The following STIL variants were observed in gnomAD, a reference collection of about 807,000 sequenced individuals.
STIL encodes SCL-interrupting locus protein.
A neutral mutation model predicts 110.1 loss-of-function variants in STIL; 55 were observed. The ratio of observed to expected loss-of-function variants is 0.50; its 90% CI spans 0.40 to 0.63. The LOEUF (loss-of-function observed/expected upper bound fraction) is 0.63, where lower values mean the gene tolerates loss of function less well. Among genes scored for constraint, STIL ranks in the 20% least tolerant of loss-of-function variants. STIL has a pLI of 0.00. For missense variants in STIL, 1,358 were observed against 1,530.0 expected, an observed-to-expected ratio of 0.89 and a Z score of 1.87; for synonymous variants, 481 against 530.0, an observed-to-expected ratio of 0.91 and a Z score of 1.27.
chr1:47,282,004 C>T (rs1570161565), intron 11 of STIL, among the ~76,000 whole-genome samples: 1 of 152,162 alleles, frequency 6.6e-6, no homozygotes, highest in South Asian at 2.1e-4. Context: ...GATTCTAAAA[C>T]CAAACCTCCT....
At chr1:47,298,786 C>T (rs1645714701) in intron 6 of STIL, among the ~76,000 whole-genome samples, 1 of 151,980 alleles carries the variant, frequency 6.6e-6, no homozygotes, top group Admixed American at 6.5e-5. Context: ...CTCTGCCGCC[C>T]ACACTGAAGT....
Position 47,280,949 on chromosome 1 carries a change from G to C in STIL, c.1509C>G (p.Cys503Trp), listed in dbSNP as rs1388583280. 1 of 1,613,960 alleles carries C rather than the reference G, an allele frequency of 6.2e-7. No individual in the cohort carries two copies. Among genetic ancestry groups the C allele is most frequent in the South Asian group, 1.1e-5 (1 of 91,076 alleles). Reference sequence around the variant, plus strand: ...TATAGGCAGGTGGCTGTCTTACTTTGCAGTGTCTCAAAAGAGCTGGTTTAT... The same window carrying C: ...TATAGGCAGGTGGCTGTCTTACTTTCCAGTGTCTCAAAAGAGCTGGTTTAT... Reference protein sequence around the residue: ...NQDKPALLRHCKVRQPPAYKK... With the variant: ...NQDKPALLRHWKVRQPPAYKK... The change falls in exon 12 of 17, where the codon TGC (cysteine) becomes TGG (tryptophan). Residue 503 changes from cysteine (C) to tryptophan (W), a missense_variant. Physicochemically the swap from Cys to Trp is radical, Grantham distance 215. Coordinates refer to ENST00000371877, the MANE Select transcript of STIL (RefSeq NM_001048166.1).
chr1:47,284,889 CAAA>C (rs796580180), intron 10 of STIL, among the ~76,000 whole-genome samples: 1 of 137,146 alleles, frequency 7.3e-6, no homozygotes, highest in Admixed American at 7.4e-5. Context: ...GACCCTATCT[CAAA>C]AAAAAAAAAA....
At chr1:47,267,022 T>A (rs1644673524) in intron 14 of STIL, among the ~76,000 whole-genome samples, 2 of 152,212 alleles carry the variant, frequency 1.3e-5, no homozygotes, top group Non-Finnish European at 2.9e-5. Flanking sequence ...TTCTGTAACT[T>A]TTAAACCCAC....
chr1:47,297,746 C>T (rs1645683893), intron 6 of STIL, among the ~76,000 whole-genome samples: 1 of 151,902 alleles, frequency 6.6e-6, no homozygotes. Context: ...TGTCAATGTA[C>T]CTGGCATGGC....
chr1:47,275,676 G>C (rs12118206), intron 12 of STIL, among the ~76,000 whole-genome samples: 37,874 of 151,766 alleles, frequency 0.25, 5,054 homozygotes, highest in Non-Finnish European at 0.31. Flanking sequence ...CTAGGCCAGA[G>C]TACAGTGGCA....
chr1:47,295,599 T>C (rs1190058924), intron 7 of STIL, among the ~76,000 whole-genome samples, 166 bp downstream of exon 7: 3 of 152,074 alleles, frequency 2.0e-5, no homozygotes, highest in South Asian at 2.1e-4. Context: ...TTGGGTAAAA[T>C]CTTATTTTAG....
chr1:47,313,546 A>G (rs1646201948), intron 1 of STIL, among the ~76,000 whole-genome samples: 1 of 151,758 alleles, frequency 6.6e-6, no homozygotes, highest in Admixed American at 6.6e-5. Context: ...AACCCCCGCC[A>G]TCCCTCACAA....
intron 2 of STIL, among the ~76,000 whole-genome samples, chr1:47,307,513 C>G (rs1035613518): frequency 3.9e-5 from 6 of 152,042 alleles, no homozygotes; most frequent in African/African-American, 1.4e-4. Flanking sequence ...CAATCAATAC[C>G]CTTGTGATTT....
intron 4 of STIL, 33 bp downstream of exon 4, chr1:47,302,201 G>A (rs749281042): frequency 3.6e-5 from 54 of 1,503,136 alleles, no homozygotes; most frequent in South Asian, 9.0e-5. Flanking sequence ...GATTACAGGC[G>A]TGAGCACTGG....
intron 14 of STIL, among the ~76,000 whole-genome samples, chr1:47,268,496 T>C (rs539407961): frequency 6.6e-6 from 1 of 152,124 alleles, no homozygotes; most frequent in East Asian, 1.9e-4. Context: ...GGCTCATGCC[T>C]GTAATTCCAG....
At chr1:47,263,453 AG>A in intron 14 of STIL, among the ~76,000 whole-genome samples, 2 of 152,212 alleles carry the variant, frequency 1.3e-5, no homozygotes, top group Non-Finnish European at 2.9e-5. Context: ...GCTGAGCAAG[AG>A]GATCACTTAG....
chr1:47,259,097 G>A (rs1417103103), intron 16 of STIL, among the ~76,000 whole-genome samples: 2 of 139,766 alleles, frequency 1.4e-5, no homozygotes, highest in Non-Finnish European at 3.0e-5. Context: ...CGCCATTCTC[G>A]TGCCTCAGCC....
At chr1:47,295,878 C>A in intron 6 of STIL, 30 bp from the exon 7 acceptor site, 1 of 1,511,328 alleles carries the variant, frequency 6.6e-7, no homozygotes, top group South Asian at 1.1e-5. Context: ...GTGAAAATAA[C>A]TGAAATTATG....
At chr1:47,311,501 G>A (rs1016262988) in intron 1 of STIL, among the ~76,000 whole-genome samples, 5 of 151,304 alleles carry the variant, frequency 3.3e-5, no homozygotes, top group African/African-American at 9.7e-5. Flanking sequence ...TGCCCAGGCT[G>A]GTCTCGAACT....
chr1:47,280,145 A>C (rs1645115645), intron 12 of STIL, 96 bp downstream of exon 12: 37 of 1,526,026 alleles, frequency 2.4e-5, no homozygotes, highest in Non-Finnish European at 3.3e-5. Flanking sequence ...CTGACATTCT[A>C]TACTTCTATA....
intron 12 of STIL, among the ~76,000 whole-genome samples, chr1:47,275,332 G>T (rs1409616523): frequency 6.6e-6 from 1 of 150,930 alleles, no homozygotes; most frequent in Non-Finnish European, 1.5e-5. Context: ...TTTTTTGCTG[G>T]GCGCGGTGGC....
chr1:47,280,101 G>C (rs1347448143), intron 12 of STIL, 140 bp downstream of exon 12: 1 of 1,111,646 alleles, frequency 9.0e-7, no homozygotes, highest in Non-Finnish European at 1.3e-6. Flanking sequence ...AAACAAGAGG[G>C]CCTAGAATTC....
In STIL at chr1:47,251,039, C is replaced by G; in HGVS notation, c.*97G>C. 1 of 1,242,570 alleles carries G rather than the reference C, an allele frequency of 8.0e-7. No homozygotes were observed. The allele number at this position is 1,242,570 out of a possible 1,614,324, so 77.0% of individuals were successfully genotyped here. ...TGGCTGCTACCAAGAAACAGTGACT[C>G]CAGAATGATCAGGAGCCTTGTGGTA... On this transcript the variant is annotated 3_prime_UTR_variant, in exon 17 of 17. Transcript: ENST00000371877.
Sources: gnomAD v4.1 joint callset for allele counts (sites outside exome capture counted in the v4.1 genomes callset) on GRCh38, gnomAD v4.1.1 for gene constraint, MANE v1.5 for transcripts, NCBI Gene and HGNC (gene_info 2026-07-23, HGNC 2026-07-21) for gene names.